Variants in WWOX observed in about 807,000 individuals in gnomAD.
WWOX encodes the protein WW domain-containing oxidoreductase.
In WWOX, 69 loss-of-function variants were observed where a neutral mutation model predicts 46.2. The observed-to-expected ratio is 1.49, with a 90% confidence interval of 1.23 to 1.82. WWOX has a LOEUF of 1.82. Among genes scored for constraint, WWOX ranks in the 40% most tolerant of loss-of-function variants. The pLI, the probability that WWOX is intolerant of heterozygous loss-of-function variation, is 0.00. For missense variants in WWOX, 919 were observed against 542.6 expected (o/e 1.69, Z -6.89); for synonymous variants, 359 against 202.6 (o/e 1.77, Z -6.56).
At chr16:78,108,301 C>T in intron 1 of WWOX, 122 bp from the exon 2 acceptor site, 2 of 982,248 alleles carry the variant, frequency 2.0e-6, no homozygotes, top group East Asian at 2.7e-5. Flanking sequence ...CCTCTTTCTC[C>T]TTCTTCCCCC....
intron 8 of WWOX, among the ~76,000 whole-genome samples, chr16:78,939,831 T>A (rs954949167): frequency 3.3e-5 from 5 of 152,190 alleles, no homozygotes; most frequent in Non-Finnish European, 7.3e-5. Flanking sequence ...TTCATCAAGG[T>A]GACATAGGTC....
At chr16:79,174,856 C>T (rs928557079) in intron 8 of WWOX, among the ~76,000 whole-genome samples, 1 of 152,178 alleles carries the variant, frequency 6.6e-6, no homozygotes, top group Admixed American at 6.5e-5. Flanking sequence ...AAAGTAGCTT[C>T]ACTTATTGAG....
chr16:78,622,306 G>C (rs1013407152), intron 8 of WWOX, among the ~76,000 whole-genome samples: 1 of 151,972 alleles, frequency 6.6e-6, no homozygotes, highest in Non-Finnish European at 1.5e-5. Context: ...ACTTTGGGAC[G>C]CCGAGGCAGG....
chr16:78,599,098 AATGCCAGCTCAAGCTGC>A (rs2045561341), intron 8 of WWOX, among the ~76,000 whole-genome samples: 1 of 152,160 alleles, frequency 6.6e-6, no homozygotes, highest in African/African-American at 2.4e-5. Context: ...TCAGAACCTG[AATGCCAGCTCAAGCTGC>A]TCTCAGCTAA....
chr16:78,371,417 A>T (rs867764651), intron 5 of WWOX, among the ~76,000 whole-genome samples: 7 of 152,236 alleles, frequency 4.6e-5, no homozygotes, highest in South Asian at 2.1e-4. Flanking sequence ...TAACTTCAAT[A>T]ACGTATGAAA....
rs762427803 is a variant in WWOX, at chr16:78,424,888, G to A, written c.624G>A (p.Val208=). The change falls in exon 7 of 9, where the codon GTG becomes GTA. Residue 208 remains valine (V), a synonymous_variant. Transcript: ENST00000566780. The part of the protein sequence containing the change: ...KAKNVPLHVL[V]CNAATFALPW... ...TTTTCAGGCCTCTTCATGTGCTTGT[G>A]TGCAACGCAGCAACTTTTGCTCTAC... The A allele has an allele frequency of 4.3e-6, 7 of 1,614,100 alleles. No homozygotes were observed. The highest frequency in any genetic ancestry group is 5.9e-6 in the Non-Finnish European group (7 of 1,180,030).
intron 8 of WWOX, among the ~76,000 whole-genome samples, chr16:78,922,409 C>G (rs142542016): frequency 8.8e-5 from 13 of 147,998 alleles, no homozygotes; most frequent in African/African-American, 3.2e-4. Context: ...GACAGTCTCT[C>G]ATTCTGTCGC....
At chr16:78,997,895 A>C (rs1421682794) in intron 8 of WWOX, among the ~76,000 whole-genome samples, 1 of 151,226 alleles carries the variant, frequency 6.6e-6, no homozygotes, top group Non-Finnish European at 1.5e-5. Flanking sequence ...TTTTTTTTTT[A>C]GACAGAGTTT....
chr16:78,432,397 C>T (rs1462906213), intron 7 of WWOX, 91 bp from the exon 8 acceptor site: 2 of 1,541,100 alleles, frequency 1.3e-6, no homozygotes, highest in African/African-American at 1.4e-5. Flanking sequence ...TGAGCCACTG[C>T]ACCCAGCATT....
chr16:79,139,119 C>G lies in WWOX; in HGVS notation c.1057-72489C>G, dbSNP rs369291069. Among the ~76,000 whole-genome samples the G allele has an allele frequency of 1.1e-3, 173 of 152,328 alleles. 1 individual carries two copies. Among genetic ancestry groups the G allele is most frequent in the South Asian group, 3.5e-3 (17 of 4,820 alleles). The stretch of plus-strand genomic sequence containing the variant: ...GCTTCCCCGGCCCCATTCCCTCTGT[C>G]TCAGGAAAGTAATAATAGTAACTCA... On this transcript the variant is annotated intron_variant, in intron 8 of 8. Transcript: ENST00000566780.
At chr16:79,044,462 A>G (rs543681277) in intron 8 of WWOX, among the ~76,000 whole-genome samples, 77 of 152,208 alleles carry the variant, frequency 5.1e-4, no homozygotes, top group African/African-American at 1.6e-3. Context: ...GGAGCTGGTC[A>G]TTTAAAAATG....
At chr16:78,559,065 T>C (rs2044372235) in intron 8 of WWOX, among the ~76,000 whole-genome samples, 1 of 152,206 alleles carries the variant, frequency 6.6e-6, no homozygotes, top group Non-Finnish European at 1.5e-5. Context: ...GGACACATAG[T>C]TCCGTCTGGC....
At chr16:78,357,399 A>G (rs542007985) in intron 5 of WWOX, among the ~76,000 whole-genome samples, 3 of 152,262 alleles carry the variant, frequency 2.0e-5, no homozygotes, top group African/African-American at 7.2e-5. Context: ...CTGCATAGCC[A>G]CTTCTCTTTC....
intron 5 of WWOX, among the ~76,000 whole-genome samples, chr16:78,322,804 G>A (rs764731701): frequency 8.5e-4 from 129 of 152,312 alleles, no homozygotes; most frequent in Non-Finnish European, 2.8e-4. Flanking sequence ...CACAGGAGCA[G>A]CCATGGACGC....
rs183633429 is a variant in WWOX at position 78,845,501 on chromosome 16, C to A, written c.1057-366107C>A. On this transcript the variant is annotated intron_variant, in intron 8 of 8. Coordinates refer to ENST00000566780, the MANE Select transcript of WWOX (RefSeq NM_016373.4). Reference sequence around the variant, plus strand: ...CATGGATTCTCTTTTACAGGCTTAGCATAATATTTTATAAAACATATTTTT... The same window carrying A: ...CATGGATTCTCTTTTACAGGCTTAGAATAATATTTTATAAAACATATTTTT... Among the ~76,000 whole-genome samples, 143 of 152,238 alleles carry A rather than the reference C, an allele frequency of 9.4e-4. 1 individual carries two copies. In the Middle Eastern group the frequency reaches 0.014, roughly 14 times the overall value.
intron 8 of WWOX, chr16:78,898,934 A>G (rs564885493): frequency 6.6e-6 from 1 of 152,272 alleles, no homozygotes; most frequent in East Asian, 1.9e-4. Context: ...ATATAGAAAT[A>G]CAGTTGATTC....
chr16:78,632,902 G>A (rs186616711), intron 8 of WWOX, among the ~76,000 whole-genome samples: 18 of 151,968 alleles, frequency 1.2e-4, no homozygotes, highest in Admixed American at 5.9e-4. Context: ...CCCCTGCTAC[G>A]TGTAATAGAA....
intron 8 of WWOX, among the ~76,000 whole-genome samples, chr16:79,210,344 G>A (rs1187349334): frequency 6.6e-6 from 1 of 152,130 alleles, no homozygotes; most frequent in African/African-American, 2.4e-5. Context: ...CTCTCCCAGG[G>A]ATCCTAGAAT....
chr16:79,060,268 C>G (rs1460074488), intron 8 of WWOX, among the ~76,000 whole-genome samples: 1 of 152,132 alleles, frequency 6.6e-6, no homozygotes, highest in Non-Finnish European at 1.5e-5. Context: ...TTGGAAATTG[C>G]AAAAATACTA....
Sources: allele counts gnomAD v4.1 joint callset (sites outside exome capture counted in the v4.1 genomes callset), GRCh38; gene constraint gnomAD v4.1.1; transcripts MANE v1.5; gene names NCBI Gene and HGNC (gene_info 2026-07-23, HGNC 2026-07-21).